ZDHHC3: variants seen among roughly 807,000 people sequenced by gnomAD.
ZDHHC3 encodes the protein palmitoyltransferase ZDHHC3.
ZDHHC3 carries 9 observed loss-of-function variants against 30.6 expected under a neutral mutation model. That is an observed-to-expected ratio of 0.29 (90% CI 0.18 to 0.51). The LOEUF (loss-of-function observed/expected upper bound fraction) is 0.51. Among genes scored for constraint, ZDHHC3 ranks in the 20% least tolerant of loss-of-function variants. ZDHHC3 has a pLI of 0.97. For missense variants in ZDHHC3, 246 were observed against 384.2 expected (o/e 0.64, Z 3.01); for synonymous variants, 136 against 140.2 (o/e 0.97, Z 0.21).
Position 44,921,081 on chromosome 3 carries a change from G to C in ZDHHC3, c.*5608C>G. The stretch of plus-strand genomic sequence containing the variant: ...AACGAACAAAAATGGTTGATGCCTG[G>C]TAAGGGGGTCATAGTCGACACCAGA... On this transcript the variant is annotated 3_prime_UTR_variant, in exon 7 of 7. Coordinates refer to ENST00000424952, the MANE Select transcript of ZDHHC3 (RefSeq NM_001135179.2). 1.0e-6 allele frequency: 1 copy of C among 985,434 alleles called. No individual in the cohort carries two copies. The highest frequency in any genetic ancestry group is 1.2e-6 in the Non-Finnish European group (1 of 829,936). The allele number at this position is 985,434 out of a possible 1,614,324, so 61.0% of individuals were successfully genotyped here.
chr3:44,930,447 T>C lies in ZDHHC3; in HGVS notation c.611-1011A>G, dbSNP rs1400977627. Among the ~76,000 whole-genome samples, 5 of 152,222 alleles carry C rather than the reference T, an allele frequency of 3.3e-5. No individual in the cohort carries two copies. The South Asian group carries it at 8.3e-4, about 25-fold the overall frequency. On this transcript the variant is annotated intron_variant, in intron 5 of 6. Coordinates refer to ENST00000424952, the MANE Select transcript of ZDHHC3 (RefSeq NM_001135179.2). ...TTCTGTGCCTCAGTGCAGCGGCCCA[T>C]GCTGGCTGAGCCTGGGCTGTGGTTT...
rs1204409864 is a variant in ZDHHC3, at chr3:44,925,135, A to G, written c.*1554T>C. On this transcript the variant is annotated 3_prime_UTR_variant, in exon 7 of 7. Coordinates refer to ENST00000424952, the MANE Select transcript of ZDHHC3 (RefSeq NM_001135179.2). Reference sequence around the variant, plus strand: ...GATTGTGGATAGTCGGCCTCCCACTAAGGGTAACACCTCAAGAGAGAGCTA... The same window carrying G: ...GATTGTGGATAGTCGGCCTCCCACTGAGGGTAACACCTCAAGAGAGAGCTA... The G allele has an allele frequency of 2.0e-6, 2 of 985,928 alleles. No individual in the cohort carries two copies. Among genetic ancestry groups the G allele is most frequent in the East Asian group, 2.3e-4 (2 of 8,818 alleles). 61.1% of individuals were successfully genotyped at this position (985,928 alleles called of 1,614,324 possible).
rs770583594 is a variant in ZDHHC3 at position 44,924,457 on chromosome 3, C to G, written c.*2232G>C. 2.8e-5 allele frequency: 28 copies of G among 985,290 alleles called. No homozygotes were observed. The highest frequency in any genetic ancestry group is 3.3e-5 in the Non-Finnish European group (27 of 829,926). The allele number at this position is 985,290 out of a possible 1,614,324, so 61.0% of individuals were successfully genotyped here. A position where few individuals can be genotyped will look rare whatever the true frequency, so the allele number is the denominator to read the frequency against. On this transcript the variant is annotated 3_prime_UTR_variant, in exon 7 of 7. Transcript: ENST00000424952. ...TGACTCTTTCTAGCCAAGGCCTATA[C>G]AAAACCAGAGGCAGAATCCTATAGG... is the stretch of plus-strand genomic sequence containing the variant.
At chr3:44,928,836 G>T (rs1183758041) in intron 6 of ZDHHC3, among the ~76,000 whole-genome samples, 1 of 152,130 alleles carries the variant, frequency 6.6e-6, no homozygotes, top group Non-Finnish European at 1.5e-5. Context: ...CTGCCCTGGG[G>T]GCTCAAGGCA....
rs116817991 is a variant in ZDHHC3 at position 44,951,633 on chromosome 3, T to C, written c.307-6341A>G. Among the ~76,000 whole-genome samples, 1,411 of 152,238 alleles carry C rather than the reference T, an allele frequency of 9.3e-3. 10 individuals carry two copies. Among genetic ancestry groups the C allele is most frequent in the Non-Finnish European group, 0.016 (1,095 of 68,006 alleles). On this transcript the variant is annotated intron_variant, in intron 2 of 6. Transcript: ENST00000424952. ...GGCCCCCATACCATTACCTCCAAGC[T>C]TTCTCCTTGTGTTCTTAGCAGGCTC...
At chr3:44,963,397 T>C (rs1704648442) in intron 1 of ZDHHC3, among the ~76,000 whole-genome samples, 1 of 151,438 alleles carries the variant, frequency 6.6e-6, no homozygotes, top group Non-Finnish European at 1.5e-5. Context: ...CATACTGCTA[T>C]AAAAAGGTTG....
intron 1 of ZDHHC3, among the ~76,000 whole-genome samples, chr3:44,962,498 A>AGGAAGGAG (rs1167182989): frequency 2.1e-5 from 2 of 96,858 alleles, no homozygotes; most frequent in Admixed American, 1.0e-4. Flanking sequence ...GGGAGAGAGA[A>AGGAAGGAG]GGAAGGAAGG....
chr3:44,933,025 T>G (rs1358836895), intron 5 of ZDHHC3, 93 bp downstream of exon 5: 5 of 1,613,710 alleles, frequency 3.1e-6, no homozygotes, highest in Non-Finnish European at 4.2e-6. Flanking sequence ...GGTTGGCCCC[T>G]GGCACCATGA....
intron 5 of ZDHHC3, among the ~76,000 whole-genome samples, chr3:44,930,527 C>T (rs895671618): frequency 1.3e-5 from 2 of 152,180 alleles, no homozygotes; most frequent in Admixed American, 1.3e-4. Flanking sequence ...AGATCAGATC[C>T]TGGAGGGCAG....
At chr3:44,964,508 G>A (rs1315811770) in intron 1 of ZDHHC3, among the ~76,000 whole-genome samples, 1 of 152,206 alleles carries the variant, frequency 6.6e-6, no homozygotes, top group Non-Finnish European at 1.5e-5. Context: ...ATAGGTAGGA[G>A]AAAGTTGTGT....
At position 44,926,439 on chromosome 3, in the gene ZDHHC3, C is replaced by T. The variant is rs566633958; in HGVS notation, c.*250G>A. The T allele has an allele frequency of 4.2e-5, 52 of 1,228,582 alleles. No homozygotes were observed. The Admixed American group carries it at 1.8e-3, about 43-fold the overall frequency. The allele number at this position is 1,228,582 out of a possible 1,614,324, so 76.1% of individuals were successfully genotyped here. On this transcript the variant is annotated 3_prime_UTR_variant, in exon 7 of 7. Transcript: ENST00000424952. Reference sequence around the variant, plus strand: ...CAGACAGCAGAGAGAAACCAGAGGCCAGAGAAGTGATTTTAAAAGGAAAAG... The same window carrying T: ...CAGACAGCAGAGAGAAACCAGAGGCTAGAGAAGTGATTTTAAAAGGAAAAG...
chr3:44,954,207 C>T (rs985973964), intron 2 of ZDHHC3, among the ~76,000 whole-genome samples: 3 of 148,368 alleles, frequency 2.0e-5, no homozygotes, highest in Non-Finnish European at 4.5e-5. Flanking sequence ...CAAGAGGGGT[C>T]GGGGTGGGGG....
intron 2 of ZDHHC3, among the ~76,000 whole-genome samples, chr3:44,952,739 A>C (rs947864566): frequency 2.0e-5 from 3 of 152,056 alleles, no homozygotes; most frequent in Non-Finnish European, 4.4e-5. Context: ...CTTGCCAGGC[A>C]CCTCCTTGCT....
rs138815233 is a variant in ZDHHC3 at position 44,925,383 on chromosome 3, T to C, written c.*1306A>G. The C allele has an allele frequency of 7.3e-3, 7,169 of 985,770 alleles. 34 individuals are homozygous for C. Among genetic ancestry groups the C allele is most frequent in the Middle Eastern group, 0.026 (49 of 1,914 alleles). 61.1% of individuals were successfully genotyped at this position (985,770 alleles called of 1,614,324 possible). On this transcript the variant is annotated 3_prime_UTR_variant, in exon 7 of 7. Transcript: ENST00000424952. ...TTCTGGCAATTGCTTAAAAAACAAA[T>C]CAATGTGTGAGAATTCCCCGATGGT...
rs1478926099 is a variant in ZDHHC3, at chr3:44,925,261, A to G, written c.*1428T>C. 1 of 985,780 alleles carries G rather than the reference A, an allele frequency of 1.0e-6. No individual in the cohort carries two copies. The highest frequency in any genetic ancestry group is 1.2e-6 in the Non-Finnish European group (1 of 829,952). The allele number at this position is 985,780 out of a possible 1,614,324, so 61.1% of individuals were successfully genotyped here. ...AGCATGTTCCACTTACTTTTCTGAA[A>G]AATCACATGGCTAGATTAACTTTCG... On this transcript the variant is annotated 3_prime_UTR_variant, in exon 7 of 7. Transcript: ENST00000424952.
chr3:44,941,609 G>A (rs1702445664), intron 3 of ZDHHC3, among the ~76,000 whole-genome samples: 1 of 151,812 alleles, frequency 6.6e-6, no homozygotes, highest in Non-Finnish European at 1.5e-5. Flanking sequence ...TGGAGGCGGG[G>A]GGCTGCCAAA....
Position 44,922,775 on chromosome 3 carries a change from G to A in ZDHHC3, c.*3914C>T, listed in dbSNP as rs1356419732. On this transcript the variant is annotated 3_prime_UTR_variant, in exon 7 of 7. Transcript: ENST00000424952. ...GTAGCCTGGGGTGGGGACCGAGAAT[G>A]TGCATTTCTAACAAGTTCTCAGGTG... 1.0e-6 allele frequency: 1 copy of A among 984,694 alleles called. No individual in the cohort carries two copies. Among genetic ancestry groups the A allele is most frequent in the Non-Finnish European group, 1.2e-6 (1 of 829,406 alleles). The allele number at this position is 984,694 out of a possible 1,614,324, so 61.0% of individuals were successfully genotyped here. A position where few individuals can be genotyped will look rare whatever the true frequency, so the allele number is the denominator to read the frequency against.
rs917900656 is a variant in ZDHHC3 at position 44,918,145 on chromosome 3, T to C, written c.*8544A>G. The C allele has an allele frequency of 8.4e-6, 11 of 1,303,166 alleles. No homozygotes were observed. The highest frequency in any genetic ancestry group is 5.6e-5 in the East Asian group (1 of 17,964). The allele number at this position is 1,303,166 out of a possible 1,614,324, so 80.7% of individuals were successfully genotyped here. A position where few individuals can be genotyped will look rare whatever the true frequency, so the allele number is the denominator to read the frequency against. On this transcript the variant is annotated 3_prime_UTR_variant, in exon 7 of 7. Transcript: ENST00000424952. Reference sequence around the variant, plus strand: ...CTTTCGTTTGAGGCGCTCGATGCCCTGCAGGGAGAAGGGGATGAAGAACAT... The same window carrying C: ...CTTTCGTTTGAGGCGCTCGATGCCCCGCAGGGAGAAGGGGATGAAGAACAT...
Position 44,959,083 on chromosome 3 carries a change from C to T in ZDHHC3, c.306+48G>A, listed in dbSNP as rs2125908438. ...ATGCAGGCTGTGGCCATGCCAGAGC[C>T]AGAGGAGGAGAGTGTGGGCTGGTCA... On this transcript the variant is annotated intron_variant, in intron 2 of 6. Coordinates refer to ENST00000424952, the MANE Select transcript of ZDHHC3 (RefSeq NM_001135179.2). The surrounding 1 kb of genome is among the most constrained non-coding windows in gnomAD (Gnocchi z 4.3). 6.2e-7 allele frequency: 1 copy of T among 1,601,584 alleles called. No individual in the cohort carries two copies. Among genetic ancestry groups the T allele is most frequent in the Middle Eastern group, 1.8e-4 (1 of 5,528 alleles).
Sources: gnomAD v4.1 joint callset for allele counts (sites outside exome capture counted in the v4.1 genomes callset) on GRCh38, gnomAD v4.1.1 for gene constraint, Gnocchi (gnomAD v3.1) non-coding constraint, MANE v1.5 for transcripts, NCBI Gene and HGNC (gene_info 2026-07-23, HGNC 2026-07-21) for gene names.